CSMD1: variants seen among roughly 807,000 people sequenced by gnomAD.
The protein encoded by CSMD1 is CUB and sushi domain-containing protein 1.
In CSMD1, 213 loss-of-function variants were observed where a neutral mutation model predicts 417.5. That is an observed-to-expected ratio of 0.51 (90% CI 0.46 to 0.57). The LOEUF (loss-of-function observed/expected upper bound fraction) is 0.57. Ranked by LOEUF, CSMD1 falls within the 20% of genes least tolerant of loss-of-function variation. The pLI is 0.00. For missense variants in CSMD1, 6,923 were observed against 4,529.7 expected, an observed-to-expected ratio of 1.53 and a Z score of -15.17; for synonymous variants, 2,862 against 1,736.8, an observed-to-expected ratio of 1.65 and a Z score of -16.11.
chr8:4,437,319 A>T (rs919955708), intron 2 of CSMD1, among the ~76,000 whole-genome samples: 1 of 152,178 alleles, frequency 6.6e-6, no homozygotes, highest in Admixed American at 6.5e-5. Context: ...GAGAAAAAAA[A>T]TAAGCTTGTT....
At chr8:3,520,684 T>C (rs1008217501) in intron 10 of CSMD1, among the ~76,000 whole-genome samples, 2 of 152,046 alleles carry the variant, frequency 1.3e-5, no homozygotes, top group Non-Finnish European at 2.9e-5. Flanking sequence ...TTTCTTTAAG[T>C]CTGTTTTTCT....
At chr8:4,536,899 G>C (rs1312034117) in intron 2 of CSMD1, among the ~76,000 whole-genome samples, 2 of 152,086 alleles carry the variant, frequency 1.3e-5, no homozygotes, top group South Asian at 4.1e-4. Flanking sequence ...CAGACTCTCA[G>C]GGAGAAATTG....
intron 26 of CSMD1, among the ~76,000 whole-genome samples, chr8:3,255,584 A>C (rs952285492): frequency 3.3e-5 from 5 of 152,212 alleles, no homozygotes; most frequent in African/African-American, 1.2e-4. Flanking sequence ...CCCCTCTCCC[A>C]GCCTTGCTGC....
At chr8:2,985,910 A>AGAAGG (rs974865204) in intron 54 of CSMD1, among the ~76,000 whole-genome samples, 1 of 138,164 alleles carries the variant, frequency 7.2e-6, no homozygotes, top group East Asian at 2.5e-4. Flanking sequence ...TCGAAAAGAA[A>AGAAGG]GAAGGGAAGG....
At chr8:4,309,262 C>G (rs375141704) in intron 3 of CSMD1, among the ~76,000 whole-genome samples, 6 of 152,010 alleles carry the variant, frequency 3.9e-5, no homozygotes, top group African/African-American at 1.5e-4. Context: ...TTCACACCAA[C>G]TAATTATTCA....
At chr8:3,782,640 T>A (rs1052835832) in intron 5 of CSMD1, among the ~76,000 whole-genome samples, 1 of 152,176 alleles carries the variant, frequency 6.6e-6, no homozygotes, top group Non-Finnish European at 1.5e-5. Context: ...GAACTTAAAG[T>A]GTAATTTAAA....
rs76159191 is a variant in CSMD1, at chr8:3,890,868, T to C, written c.818+107035A>G. Among the ~76,000 whole-genome samples, 23 of 152,220 alleles carry C rather than the reference T, an allele frequency of 1.5e-4. No homozygotes were observed. The East Asian group carries it at 3.9e-3, about 26-fold the overall frequency. ...TCAGTAAGTATATACAATGAGAGGA[T>C]GAAAGAGCAAGATTTCTTGAGTGTG... is the stretch of plus-strand genomic sequence containing the variant. On this transcript the variant is annotated intron_variant, in intron 5 of 69. Coordinates refer to ENST00000635120, the MANE Select transcript of CSMD1 (RefSeq NM_033225.6).
intron 5 of CSMD1, among the ~76,000 whole-genome samples, chr8:3,930,275 G>C (rs554514006): frequency 1.3e-5 from 2 of 150,314 alleles, no homozygotes; most frequent in African/African-American, 2.5e-5. Context: ...GGAATAAATA[G>C]TAACTTCTCT....
At chr8:3,298,288 T>G (rs796800249) in intron 25 of CSMD1, among the ~76,000 whole-genome samples, 16 of 152,302 alleles carry the variant, frequency 1.1e-4, no homozygotes, top group African/African-American at 3.9e-4. Context: ...TCAAAGCATA[T>G]TAAAAGCAGC....
At chr8:4,777,267 G>A (rs1455271286) in intron 1 of CSMD1, among the ~76,000 whole-genome samples, 4 of 152,178 alleles carry the variant, frequency 2.6e-5, no homozygotes, top group East Asian at 1.9e-4. Flanking sequence ...AAGGCAGTGC[G>A]AGAAACAATT....
chr8:4,795,041 G>C (rs528970506), intron 1 of CSMD1, among the ~76,000 whole-genome samples: 2 of 150,150 alleles, frequency 1.3e-5, no homozygotes, highest in South Asian at 2.1e-4. Flanking sequence ...GGGTGGGTGG[G>C]TGTGTGTTTA....
intron 3 of CSMD1, among the ~76,000 whole-genome samples, chr8:4,191,754 A>AT (rs1034867912): frequency 6.6e-5 from 10 of 151,800 alleles, no homozygotes; most frequent in African/African-American, 2.2e-4. Context: ...CAAAAAAAAA[A>AT]AAAAAAAATG....
chr8:4,368,536 T>C (rs1159635155), intron 3 of CSMD1, among the ~76,000 whole-genome samples: 1 of 152,186 alleles, frequency 6.6e-6, no homozygotes, highest in Non-Finnish European at 1.5e-5. Flanking sequence ...GGAATCATTT[T>C]AGTAAGATAG....
At chr8:4,701,715 A>C (rs894659402) in intron 1 of CSMD1, among the ~76,000 whole-genome samples, 1 of 152,166 alleles carries the variant, frequency 6.6e-6, no homozygotes, top group Admixed American at 6.5e-5. Flanking sequence ...GTGACAAATC[A>C]TAACATTCCT....
At position 3,613,884 on chromosome 8, in the gene CSMD1, C is replaced by G. The variant is rs144602492; in HGVS notation, c.1097+2826G>C. Reference sequence around the variant, plus strand: ...TAAAGGCAGAGATGTCTCACCATTTCTACTCAATCTTGTAAAATAGTTTCT... The same window carrying G: ...TAAAGGCAGAGATGTCTCACCATTTGTACTCAATCTTGTAAAATAGTTTCT... On this transcript the variant is annotated intron_variant, in intron 8 of 69. Coordinates refer to ENST00000635120, the MANE Select transcript of CSMD1 (RefSeq NM_033225.6). 1.6e-3 allele frequency among the ~76,000 whole-genome samples: 245 copies of G among 152,152 alleles called. 1 individual carries two copies. Among genetic ancestry groups the G allele is most frequent in the African/African-American group, 5.5e-3 (230 of 41,520 alleles).
intron 5 of CSMD1, among the ~76,000 whole-genome samples, chr8:3,990,551 T>A (rs1470021735): frequency 6.6e-6 from 1 of 152,240 alleles, no homozygotes; most frequent in East Asian, 1.9e-4. Flanking sequence ...GCTACCACCA[T>A]TCAATAAATT....
intron 26 of CSMD1, among the ~76,000 whole-genome samples, chr8:3,267,186 G>A (rs968686084): frequency 2.6e-5 from 4 of 152,092 alleles, no homozygotes; most frequent in Non-Finnish European, 5.9e-5. Context: ...GCCTGGGAGA[G>A]GGGTCAGAAT....
At chr8:3,508,403 T>C (rs1722828940) in intron 10 of CSMD1, among the ~76,000 whole-genome samples, 1 of 151,866 alleles carries the variant, frequency 6.6e-6, no homozygotes, top group Non-Finnish European at 1.5e-5. Flanking sequence ...ATATACCTAA[T>C]GTAAGTGACG....
At chr8:3,182,676 T>TGTGTGG (rs1821432385) in intron 36 of CSMD1, among the ~76,000 whole-genome samples, 1 of 9,310 alleles carries the variant, frequency 1.1e-4, no homozygotes, top group Non-Finnish European at 1.6e-4. Flanking sequence ...TATAAGAAGC[T>TGTGTGG]GTGTGTGTGT....
Sources: gnomAD v4.1 joint callset for allele counts (sites outside exome capture counted in the v4.1 genomes callset) on GRCh38, gnomAD v4.1.1 for gene constraint, MANE v1.5 for transcripts, NCBI Gene and HGNC (gene_info 2026-07-23, HGNC 2026-07-21) for gene names.